The following MCUB variants were observed in gnomAD, a reference collection of about 807,000 sequenced individuals.
The protein encoded by MCUB is calcium uniporter regulatory subunit MCUb, mitochondrial.
In MCUB, 46 loss-of-function variants were observed where a neutral mutation model predicts 41.4. The observed-to-expected ratio is 1.11, with a 90% CI of 0.88 to 1.42. MCUB has a LOEUF of 1.42. Among genes scored for constraint, MCUB ranks in the 40% most tolerant of loss-of-function variants. The pLI is 0.00. For missense variants in MCUB, 403 were observed against 404.9 expected (o/e 1.00, Z 0.04); for synonymous variants, 148 against 148.2 (o/e 1.00, Z 0.01).
At chr4:109,664,946 A>G (rs1729312188) in intron 4 of MCUB, among the ~76,000 whole-genome samples, 1 of 84,316 alleles carries the variant, frequency 1.2e-5, no homozygotes, top group Non-Finnish European at 2.7e-5. Flanking sequence ...ACTCTTGTAA[A>G]AAAAAAAAAT....
intron 1 of MCUB, among the ~76,000 whole-genome samples, chr4:109,634,280 C>T (rs772738592): frequency 3.3e-5 from 5 of 151,852 alleles, no homozygotes; most frequent in Non-Finnish European, 7.4e-5. Context: ...GTCGGGAGTT[C>T]GAGACCAGCC....
Position 109,634,248 on chromosome 4 carries a change from C to T in MCUB, c.100-24763C>T, listed in dbSNP as rs913709989. On this transcript the variant is annotated intron_variant, in intron 1 of 7. Transcript: ENST00000394650. The stretch of plus-strand genomic sequence containing the variant: ...CTGTAATCCCAGCACTTGGGGAGGC[C>T]GAGGTGGGTGGATCATCTGAGGTCG... Among the ~76,000 whole-genome samples, 11 of 151,954 alleles carry T rather than the reference C, an allele frequency of 7.2e-5. No individual in the cohort carries two copies. In the East Asian group the frequency reaches 1.2e-3, roughly 16 times the overall value.
intron 1 of MCUB, among the ~76,000 whole-genome samples, chr4:109,610,630 AC>A (rs1339288984): frequency 6.6e-6 from 1 of 152,214 alleles, no homozygotes; most frequent in Admixed American, 6.5e-5. Flanking sequence ...TAAAAAGATA[AC>A]AGTCACGCGT....
chr4:109,584,000 A>G (rs1398890109), intron 1 of MCUB, among the ~76,000 whole-genome samples: 1 of 152,068 alleles, frequency 6.6e-6, no homozygotes, highest in African/African-American at 2.4e-5. Flanking sequence ...TTTTCTATTG[A>G]TTGTAATAGT....
intron 1 of MCUB, among the ~76,000 whole-genome samples, chr4:109,562,630 C>T (rs753531213): frequency 2.0e-5 from 3 of 152,050 alleles, no homozygotes; most frequent in Non-Finnish European, 2.9e-5. Context: ...ACATTCAGAC[C>T]CCTAGAGCCT....
intron 1 of MCUB, among the ~76,000 whole-genome samples, chr4:109,620,606 A>G (rs993347647): frequency 2.6e-5 from 4 of 151,618 alleles, no homozygotes; most frequent in African/African-American, 7.3e-5. Context: ...TTAGCATTCA[A>G]TTGTTATCAT....
At chr4:109,592,766 A>G (rs895009924) in intron 1 of MCUB, among the ~76,000 whole-genome samples, 1 of 152,196 alleles carries the variant, frequency 6.6e-6, no homozygotes, top group East Asian at 1.9e-4. Context: ...CTATGTGCAC[A>G]CTTTCAGGAG....
At chr4:109,620,107 T>C (rs1159038834) in intron 1 of MCUB, among the ~76,000 whole-genome samples, 1 of 152,196 alleles carries the variant, frequency 6.6e-6, no homozygotes, top group Non-Finnish European at 1.5e-5. Context: ...TTGGAGGAAC[T>C]GCTGAGTGGA....
chr4:109,568,530 C>T (rs1014340012), intron 1 of MCUB, among the ~76,000 whole-genome samples: 3 of 152,018 alleles, frequency 2.0e-5, no homozygotes, highest in East Asian at 1.9e-4. Flanking sequence ...CCCTTTACCC[C>T]GCTTCTTCAC....
At chr4:109,687,369 T>C (rs1729870084) in intron 7 of MCUB, 146 bp from the exon 8 acceptor site, 2 of 574,878 alleles carry the variant, frequency 3.5e-6, no homozygotes, top group African/African-American at 1.9e-5. Context: ...AAGAAAAATA[T>C]ATATATATTT....
chr4:109,560,296 C>A lies in MCUB; in HGVS notation c.-42C>A. On this transcript the variant is annotated 5_prime_UTR_variant, in exon 1 of 8. Transcript: ENST00000394650. ...CGAGGAGCCCGGCTGAGGGAGGATGCGCCGCTGACGCCTGCGGGAGCCGCG... is the reference window on the plus strand; with the variant it reads ...CGAGGAGCCCGGCTGAGGGAGGATGAGCCGCTGACGCCTGCGGGAGCCGCG... 2 of 1,024,878 alleles carry A rather than the reference C, an allele frequency of 2.0e-6. No individual in the cohort carries two copies. Among genetic ancestry groups the A allele is most frequent in the Non-Finnish European group, 2.5e-6 (2 of 796,746 alleles). 63.5% of individuals were successfully genotyped at this position (1,024,878 alleles called of 1,614,324 possible).
Position 109,584,247 on chromosome 4 carries a change from A to G in MCUB, c.99+23811A>G, listed in dbSNP as rs189270806. Among the ~76,000 whole-genome samples, 435 of 152,198 alleles carry G rather than the reference A, an allele frequency of 2.9e-3. 2 individuals are homozygous for G. The highest frequency in any genetic ancestry group is 9.9e-3 in the African/African-American group (412 of 41,544). The stretch of plus-strand genomic sequence containing the variant: ...CTAGTTTATTTGCATAGAGGTGTTT[A>G]TAGTATTCTCTGATGGTAGTTTGTA... On this transcript the variant is annotated intron_variant, in intron 1 of 7. Transcript: ENST00000394650.
At chr4:109,583,289 A>G (rs1219477308) in intron 1 of MCUB, among the ~76,000 whole-genome samples, 5 of 152,120 alleles carry the variant, frequency 3.3e-5, no homozygotes, top group Non-Finnish European at 7.3e-5. Flanking sequence ...ATCCCATGTA[A>G]GTTGGATTCC....
chr4:109,676,398 T>C (rs922412222), intron 4 of MCUB, among the ~76,000 whole-genome samples: 2 of 152,106 alleles, frequency 1.3e-5, no homozygotes, highest in Non-Finnish European at 1.5e-5. Context: ...AATATGTATA[T>C]GGTAAAGGCC....
chr4:109,613,237 T>C (rs1383749804), intron 1 of MCUB, among the ~76,000 whole-genome samples: 1 of 152,214 alleles, frequency 6.6e-6, no homozygotes, highest in Non-Finnish European at 1.5e-5. Flanking sequence ...AAGCTTCTAT[T>C]AATTATCTAC....
At chr4:109,643,036 G>A (rs1000535102) in intron 1 of MCUB, among the ~76,000 whole-genome samples, 3 of 151,004 alleles carry the variant, frequency 2.0e-5, no homozygotes, top group African/African-American at 7.3e-5. Flanking sequence ...CTGGTGATCC[G>A]CCCACCTTGG....
intron 2 of MCUB, 150 bp from the exon 3 acceptor site, chr4:109,660,045 T>A (rs893551346): frequency 1.7e-6 from 1 of 579,654 alleles, no homozygotes; most frequent in Non-Finnish European, 3.1e-6. Flanking sequence ...AACTGTAGTA[T>A]AATGAAGGCA....
intron 1 of MCUB, among the ~76,000 whole-genome samples, chr4:109,614,866 T>C (rs1367042926): frequency 6.6e-6 from 1 of 152,140 alleles, no homozygotes; most frequent in Non-Finnish European, 1.5e-5. Context: ...TAGTCACTCA[T>C]ACGCATTCAT....
intron 1 of MCUB, among the ~76,000 whole-genome samples, chr4:109,590,863 G>A (rs1309232615): frequency 6.6e-6 from 1 of 152,178 alleles, no homozygotes; most frequent in Non-Finnish European, 1.5e-5. Flanking sequence ...GGTGAGACAT[G>A]TAGAAAACCA....
Sources: allele counts gnomAD v4.1 joint callset (sites outside exome capture counted in the v4.1 genomes callset), GRCh38; gene constraint gnomAD v4.1.1; transcripts MANE v1.5; gene names NCBI Gene and HGNC (gene_info 2026-07-23, HGNC 2026-07-21).